Variants in LRP8 observed in about 807,000 individuals in gnomAD.
LRP8 encodes LDL receptor related protein 8, also known as low-density lipoprotein receptor-related protein 8.
In LRP8, 46 loss-of-function variants were observed where a neutral mutation model predicts 111.6. The observed-to-expected ratio is 0.41, with a 90% CI of 0.33 to 0.53. The LOEUF is 0.53. Ranked by LOEUF, LRP8 falls within the 20% of genes least tolerant of loss-of-function variation. The pLI, the probability that LRP8 is intolerant of heterozygous loss-of-function variation, is 0.20. For missense variants in LRP8, 959 were observed against 1,297.4 expected (o/e 0.74, Z 4.01); for synonymous variants, 464 against 511.2 (o/e 0.91, Z 1.24).
At chr1:53,289,726 G>T (rs1447620167) in intron 2 of LRP8, 37 bp from the exon 3 acceptor site, 1 of 1,610,478 alleles carries the variant, frequency 6.2e-7, no homozygotes. Flanking sequence ...GAGCCTGGGA[G>T]CAGTCAGGAG....
At chr1:53,296,969 G>A (rs2100483994) in intron 2 of LRP8, among the ~76,000 whole-genome samples, 1 of 152,298 alleles carries the variant, frequency 6.6e-6, no homozygotes, top group South Asian at 2.1e-4. Context: ...AGTGGTGGTG[G>A]GGGTGATGCC....
In LRP8 at chr1:53,279,372, C is replaced by G. The variant is rs1258656625; in HGVS notation, c.496+1215G>C. Among the ~76,000 whole-genome samples, 3 of 152,324 alleles carry G rather than the reference C, an allele frequency of 2.0e-5. No homozygotes were observed. The highest frequency in any genetic ancestry group is 7.2e-5 in the African/African-American group (3 of 41,578). Reference sequence around the variant, plus strand: ...ATGCCCTAGTTGGAGAGACTCCCATCCCTTGCAGTAGCGGCCTTCATATTG... The same window carrying G: ...ATGCCCTAGTTGGAGAGACTCCCATGCCTTGCAGTAGCGGCCTTCATATTG... On this transcript the variant is annotated intron_variant, in intron 4 of 18. Coordinates refer to ENST00000306052, the MANE Select transcript of LRP8 (RefSeq NM_004631.5). This position sits in a 1 kb window ranked among gnomAD's most constrained non-coding sequence, Gnocchi z 4.4.
In LRP8 at chr1:53,327,866, A is replaced by C; in HGVS notation, c.47T>G (p.Leu16Arg). ...CAGCAGCAGCAGCAGCAGCAGCAGC[A>C]GCAGCAGCGCCAGAAGCCGGAGAGG... ...PGPLRLLALL[L>R]LLLLLLLLQL... The change falls in exon 1 of 19, where the codon CTG (leucine) becomes CGG (arginine). Residue 16 changes from leucine (L) to arginine (R), a missense_variant. By Grantham distance (102) the Leu-to-Arg change is moderately radical (BLOSUM62 -2). Transcript: ENST00000306052. The C allele has an allele frequency of 6.6e-7, 1 of 1,507,846 alleles. No homozygotes were observed. The highest frequency in any genetic ancestry group is 8.8e-7 in the Non-Finnish European group (1 of 1,134,110). The allele number at this position is 1,507,846 out of a possible 1,614,324, so 93.4% of individuals were successfully genotyped here.
Position 53,327,803 on chromosome 1 carries a change from A to G in LRP8, c.110T>C (p.Leu37Pro), listed in dbSNP as rs1006691964. ...QHLAAAAADP[L>P]LGGQGPAKDC... The stretch of plus-strand genomic sequence containing the variant: ...GCTGCACGCACCTTGGCCGCCGAGC[A>G]GCGGATCAGCCGCTGCCGCCGCAAG... Residue 37 changes from leucine (L) to proline (P), a missense_variant, in exon 1 of 19, where the codon CTG becomes CCG. By Grantham distance (98) the Leu-to-Pro change is moderately conservative (BLOSUM62 -3). Transcript: ENST00000306052. 27 of 1,512,376 alleles carry G rather than the reference A, an allele frequency of 1.8e-5. No individual in the cohort carries two copies. The African/African-American group carries it at 3.7e-4, about 21-fold the overall frequency. The allele number at this position is 1,512,376 out of a possible 1,614,324, so 93.7% of individuals were successfully genotyped here. A position where few individuals can be genotyped will look rare whatever the true frequency, so the allele number is the denominator to read the frequency against.
chr1:53,320,663 C>T (rs1386562379), intron 2 of LRP8, among the ~76,000 whole-genome samples: 1 of 152,202 alleles, frequency 6.6e-6, no homozygotes, highest in Admixed American at 6.5e-5. Context: ...ACTGGAATGT[C>T]ATCCCCATGG....
At chr1:53,319,000 T>A (rs1424635755) in intron 2 of LRP8, among the ~76,000 whole-genome samples, 2 of 152,224 alleles carry the variant, frequency 1.3e-5, no homozygotes, top group Admixed American at 1.3e-4. Flanking sequence ...TACTTTCAGC[T>A]AACCAGAAGT....
chr1:53,265,402 G>A (rs907927926), intron 9 of LRP8, among the ~76,000 whole-genome samples: 3 of 152,016 alleles, frequency 2.0e-5, no homozygotes, highest in African/African-American at 4.8e-5. Context: ...CCTTCCCCTC[G>A]GCCAACCAGA....
Position 53,317,401 on chromosome 1 carries a change from A to G in LRP8, c.244+9472T>C. Among the ~76,000 whole-genome samples, 1 of 152,188 alleles carries G rather than the reference A, an allele frequency of 6.6e-6. No individual in the cohort carries two copies. Among genetic ancestry groups the G allele is most frequent in the East Asian group, 1.9e-4 (1 of 5,186 alleles). On this transcript the variant is annotated intron_variant, in intron 2 of 18. Transcript: ENST00000306052. This position sits in a 1 kb window ranked among gnomAD's most constrained non-coding sequence, Gnocchi z 4.9. ...GCTAACCAGCCCCACTGGGCCACTC[A>G]GGAAGCAGCCACCCTGGGGCCCCAG...
intron 10 of LRP8, 67 bp downstream of exon 10, chr1:53,264,102 T>C: frequency 6.8e-7 from 1 of 1,480,984 alleles, no homozygotes; most frequent in Non-Finnish European, 9.3e-7. Flanking sequence ...AAGATAGCCC[T>C]TGTGACAGAC....
intron 2 of LRP8, among the ~76,000 whole-genome samples, chr1:53,315,423 G>A (rs574276478): frequency 6.6e-6 from 1 of 152,346 alleles, no homozygotes; most frequent in South Asian, 2.1e-4. Context: ...TGCTCTTAGT[G>A]TGCCTCAGAA....
chr1:53,327,375 C>G (rs1354635434), intron 1 of LRP8: 2 of 272,982 alleles, frequency 7.3e-6, no homozygotes, highest in Non-Finnish European at 1.4e-5. Flanking sequence ...GCAGCCCCCT[C>G]TCTCTCCGCC....
chr1:53,291,233 T>C (rs913815059), intron 2 of LRP8, among the ~76,000 whole-genome samples: 1 of 152,126 alleles, frequency 6.6e-6, no homozygotes, highest in Non-Finnish European at 1.5e-5. Context: ...CAGGGGGGTC[T>C]CTTTTCAGCC....
At chr1:53,278,719 G>A (rs1368602940) in intron 4 of LRP8, among the ~76,000 whole-genome samples, 1 of 150,750 alleles carries the variant, frequency 6.6e-6, no homozygotes, top group East Asian at 1.9e-4. Flanking sequence ...CAGGGAGGGT[G>A]GACTCACTGC....
At position 53,275,199 on chromosome 1, in the gene LRP8, A is replaced by G. The variant is rs1483343136; in HGVS notation, c.1006+432T>C. Among the ~76,000 whole-genome samples the G allele has an allele frequency of 2.0e-5, 3 of 152,210 alleles. No individual in the cohort carries two copies. The highest frequency in any genetic ancestry group is 2.1e-4 in the South Asian group (1 of 4,836). On this transcript the variant is annotated intron_variant, in intron 6 of 18. Transcript: ENST00000306052. The surrounding 1 kb of genome is among the most constrained non-coding windows in gnomAD (Gnocchi z 4.4). ...AAGTTGCTACACTGCCCAGCCTGTTATCCATTCCCCAAGATGACTAGTGAA... is the reference window on the plus strand; with the variant it reads ...AAGTTGCTACACTGCCCAGCCTGTTGTCCATTCCCCAAGATGACTAGTGAA...
intron 6 of LRP8, among the ~76,000 whole-genome samples, chr1:53,273,958 G>A (rs1646837093): frequency 8.3e-6 from 1 of 120,908 alleles, no homozygotes; most frequent in South Asian, 2.4e-4. Context: ...CCTAACCTGG[G>A]AACAGTAAAA....
intron 12 of LRP8, 58 bp from the exon 13 acceptor site, chr1:53,260,663 C>G: frequency 1.3e-6 from 2 of 1,571,380 alleles, no homozygotes; most frequent in Non-Finnish European, 1.7e-6. Flanking sequence ...TGACCTCAGT[C>G]TGAGGGGTTG....
intron 2 of LRP8, among the ~76,000 whole-genome samples, chr1:53,316,773 G>A (rs79206557): frequency 0.015 from 2,226 of 152,352 alleles, 64 homozygotes; most frequent in African/African-American, 0.049. Context: ...GGGAGCAGAG[G>A]AGGAAGGCTG....
chr1:53,312,598 T>C (rs1653207156), intron 2 of LRP8, among the ~76,000 whole-genome samples: 1 of 151,876 alleles, frequency 6.6e-6, no homozygotes, highest in Non-Finnish European at 1.5e-5. Flanking sequence ...CCTTAAGTGA[T>C]CCTCCCATCT....
rs958475461 is a variant in LRP8 at position 53,275,015 on chromosome 1, G to A, written c.1006+616C>T. 1.3e-5 allele frequency among the ~76,000 whole-genome samples: 2 copies of A among 152,208 alleles called. No individual in the cohort carries two copies. The highest frequency in any genetic ancestry group is 4.8e-5 in the African/African-American group (2 of 41,462). ...AGGACAGGATCCCAGGGATGATTAG[G>A]AGGCTAAGCCTCATGTAGCTGGGCA... is the stretch of plus-strand genomic sequence containing the variant. On this transcript the variant is annotated intron_variant, in intron 6 of 18. Transcript: ENST00000306052. This position sits in a 1 kb window ranked among gnomAD's most constrained non-coding sequence, Gnocchi z 4.4.
Sources: allele counts gnomAD v4.1 joint callset (sites outside exome capture counted in the v4.1 genomes callset), GRCh38; gene constraint gnomAD v4.1.1; non-coding constraint Gnocchi (gnomAD v3.1); transcripts MANE v1.5; gene names NCBI Gene and HGNC (gene_info 2026-07-23, HGNC 2026-07-21).